Variants in GALNT13 observed in about 807,000 individuals in gnomAD.
The protein encoded by GALNT13 is polypeptide N-acetylgalactosaminyltransferase 13.
In GALNT13, 28 loss-of-function variants were observed where a neutral mutation model predicts 64.2. That is an observed-to-expected ratio of 0.44 (90% CI 0.32 to 0.60). The LOEUF (loss-of-function observed/expected upper bound fraction) is 0.60, where lower values mean the gene tolerates loss of function less well. Among genes scored for constraint, GALNT13 ranks in the 20% least tolerant of loss-of-function variants. The pLI is 0.05. For missense variants in GALNT13, 577 were observed against 669.8 expected (o/e 0.86, Z 1.53); for synonymous variants, 214 against 224.6 (o/e 0.95, Z 0.42).
At chr2:153,635,691 T>G in the GALNT13 span, among the ~76,000 whole-genome samples, 1 of 152,054 alleles carries the variant, frequency 6.6e-6, no homozygotes, top group Non-Finnish European at 1.5e-5. Flanking sequence ...GGTGGCTCTG[T>G]GTCCACAACT....
the GALNT13 span, among the ~76,000 whole-genome samples, chr2:153,228,057 T>G: frequency 6.6e-6 from 1 of 152,218 alleles, no homozygotes; most frequent in Admixed American, 6.5e-5. Context: ...TCTTAAATAC[T>G]GATGCAAGTT....
At chr2:154,041,443 TAGA>T (rs1698971742) in intron 3 of GALNT13, among the ~76,000 whole-genome samples, 1 of 140,422 alleles carries the variant, frequency 7.1e-6, no homozygotes, top group Admixed American at 7.2e-5. Context: ...GCTTTTATAT[TAGA>T]AGATGTTCTG....
chr2:154,366,296 AAT>A (rs753010710), intron 9 of GALNT13, among the ~76,000 whole-genome samples: 1 of 152,184 alleles, frequency 6.6e-6, no homozygotes, highest in Admixed American at 6.5e-5. Context: ...CTTTGTCTAA[AAT>A]ATATAGTTTA....
chr2:154,370,558 C>G (rs1697625681), intron 9 of GALNT13, among the ~76,000 whole-genome samples: 1 of 152,054 alleles, frequency 6.6e-6, no homozygotes, highest in African/African-American at 2.4e-5. Flanking sequence ...AGCACAAAGT[C>G]TTCTAAGTTT....
At chr2:153,151,422 C>T in the GALNT13 span, among the ~76,000 whole-genome samples, 124 of 152,088 alleles carry the variant, frequency 8.2e-4, no homozygotes, top group Admixed American at 2.0e-3. Context: ...GTCAGTGTGG[C>T]GATTCCTCAG....
At chr2:153,738,024 T>C in the GALNT13 span, among the ~76,000 whole-genome samples, 6 of 152,046 alleles carry the variant, frequency 3.9e-5, no homozygotes, top group Non-Finnish European at 8.8e-5. Flanking sequence ...CCTTTCTATC[T>C]CTCTTGCTCT....
At chr2:154,024,230 G>A (rs1017088432) in intron 3 of GALNT13, among the ~76,000 whole-genome samples, 8 of 152,076 alleles carry the variant, frequency 5.3e-5, no homozygotes, top group Admixed American at 2.0e-4. Context: ...TCCTGAATCT[G>A]AATGTTGGCC....
the GALNT13 span, among the ~76,000 whole-genome samples, chr2:153,710,372 CACAG>C: frequency 2.0e-5 from 3 of 152,022 alleles, no homozygotes; most frequent in African/African-American, 4.8e-5. Flanking sequence ...CTGAAAAAAT[CACAG>C]ACACTCAGAA....
the GALNT13 span, among the ~76,000 whole-genome samples, chr2:153,665,770 C>T: frequency 6.6e-6 from 1 of 152,048 alleles, no homozygotes; most frequent in African/African-American, 2.4e-5. Flanking sequence ...CCTACTTCTG[C>T]ATGGAACTCT....
the GALNT13 span, among the ~76,000 whole-genome samples, chr2:153,693,100 C>T: frequency 3.3e-5 from 5 of 152,116 alleles, no homozygotes; most frequent in Admixed American, 3.3e-4. Context: ...TTGAGAGCAT[C>T]CCAGAGAAAG....
At position 154,245,938 on chromosome 2, in the gene GALNT13, A is replaced by G. The variant is rs1429135239; in HGVS notation, c.813A>G (p.Gln271=). 1.9e-6 allele frequency: 3 copies of G among 1,613,300 alleles called. No homozygotes were observed. Among genetic ancestry groups the G allele is most frequent in the Admixed American group, 1.7e-5 (1 of 59,990 alleles). Residue 271 remains glutamine, a synonymous_variant, in exon 7 of 13, where the codon CAA becomes CAG. Transcript: ENST00000392825. ...KLNFRWYPVP[Q]REMDRRKGDR... ...ATTTCCGCTGGTATCCTGTTCCCCA[A>G]AGAGAAATGGACAGGAGGAAAGGAG... is the stretch of plus-strand genomic sequence containing the variant.
chr2:153,757,312 C>T, the GALNT13 span, among the ~76,000 whole-genome samples: 1 of 152,090 alleles, frequency 6.6e-6, no homozygotes, highest in African/African-American at 2.4e-5. Context: ...GCATAATGTC[C>T]TCCACACTCA....
chr2:153,794,929 GA>G, the GALNT13 span, among the ~76,000 whole-genome samples: 1 of 152,150 alleles, frequency 6.6e-6, no homozygotes, highest in African/African-American at 2.4e-5. Flanking sequence ...ATCTGGTAAA[GA>G]AATATTTTAT....
intron 3 of GALNT13, among the ~76,000 whole-genome samples, chr2:153,946,472 G>A (rs529251135): frequency 5.9e-5 from 9 of 152,166 alleles, no homozygotes; most frequent in African/African-American, 1.9e-4. Context: ...TAGACTTGGT[G>A]GCTAACAAGG....
chr2:153,894,651 A>G lies in GALNT13; in HGVS notation c.-176-6285A>G, dbSNP rs185350645. 5.3e-5 allele frequency among the ~76,000 whole-genome samples: 8 copies of G among 152,240 alleles called. No individual in the cohort carries two copies. The East Asian group carries it at 1.4e-3, about 26-fold the overall frequency. On this transcript the variant is annotated intron_variant, in intron 1 of 12. Transcript: ENST00000392825. ...GTTATAGATTAATCAGTTTGCTTTG[A>G]TATTTATGAAAATAATAAGACAAAA...
chr2:153,181,122 C>A, the GALNT13 span, among the ~76,000 whole-genome samples: 16 of 107,440 alleles, frequency 1.5e-4, no homozygotes, highest in African/African-American at 5.7e-4. Context: ...GATACTTTTT[C>A]CTCTTTTGAT....
At position 154,033,831 on chromosome 2, in the gene GALNT13, C is replaced by T. The variant is rs147006608; in HGVS notation, c.142+89192C>T. On this transcript the variant is annotated intron_variant, in intron 3 of 12. Coordinates refer to ENST00000392825, the MANE Select transcript of GALNT13 (RefSeq NM_052917.4). ...GCAGGTGCCTGTAATCCCAGCTACT[C>T]GGGAGGCTGAGGCAAGAGAATCTCT... Among the ~76,000 whole-genome samples, 496 of 152,028 alleles carry T rather than the reference C, an allele frequency of 3.3e-3. 2 individuals are homozygous for T. Among genetic ancestry groups the T allele is most frequent in the African/African-American group, 0.012 (483 of 41,484 alleles).
chr2:153,555,081 T>A, the GALNT13 span, among the ~76,000 whole-genome samples: 1 of 152,176 alleles, frequency 6.6e-6, no homozygotes, highest in African/African-American at 2.4e-5. Context: ...TAATTCATTT[T>A]ATGTTTCTAT....
chr2:153,437,063 T>C, the GALNT13 span, among the ~76,000 whole-genome samples: 9 of 152,234 alleles, frequency 5.9e-5, no homozygotes, highest in Admixed American at 1.3e-4. Context: ...ATCTTTATTT[T>C]AGCCTTCATT....
Sources: gnomAD v4.1 joint callset for allele counts (sites outside exome capture counted in the v4.1 genomes callset) on GRCh38, gnomAD v4.1.1 for gene constraint, MANE v1.5 for transcripts, NCBI Gene and HGNC (gene_info 2026-07-23, HGNC 2026-07-21) for gene names.